Variants in BBS9 observed in about 807,000 individuals in gnomAD.
The protein encoded by BBS9 is Bardet-Biedl syndrome 9.
BBS9 carries 89 observed loss-of-function variants against 117.7 expected under a neutral mutation model. The ratio of observed to expected loss-of-function variants is 0.76; its 90% CI spans 0.64 to 0.90. BBS9 has a LOEUF of 0.90. Ranked by LOEUF, BBS9 falls within the 40% of genes least tolerant of loss-of-function variation. BBS9 has a pLI of 0.00. For missense variants in BBS9, 982 were observed against 1,042.2 expected (o/e 0.94, Z 0.80); for synonymous variants, 379 against 370.9 (o/e 1.02, Z -0.25).
At chr7:33,265,926 A>G (rs1798742259) in intron 7 of BBS9, among the ~76,000 whole-genome samples, 1 of 152,046 alleles carries the variant, frequency 6.6e-6, no homozygotes, top group African/African-American at 2.4e-5. Context: ...TAAAGCACAT[A>G]GCAAAATGTC....
At chr7:33,129,445 A>C, upstream of BBS9, 1 of 237,490 alleles carries the variant, frequency 4.2e-6, no homozygotes, top group Non-Finnish European at 8.1e-6. Context: ...TCTAATTCCA[A>C]CCGCGGCCCT....
intron 5 of BBS9, among the ~76,000 whole-genome samples, chr7:33,240,599 C>T (rs534052067): frequency 1.3e-5 from 2 of 152,042 alleles, no homozygotes; most frequent in African/African-American, 4.8e-5. Context: ...CTTTTCACTT[C>T]CCCCTTGAAC....
At chr7:33,253,363 C>T (rs1796523877) in intron 5 of BBS9, among the ~76,000 whole-genome samples, 1 of 152,082 alleles carries the variant, frequency 6.6e-6, no homozygotes, top group African/African-American at 2.4e-5. Flanking sequence ...CCTGTAATTC[C>T]AGGACTTTGG....
At chr7:33,233,662 G>A (rs1792914387) in intron 5 of BBS9, among the ~76,000 whole-genome samples, 1 of 152,088 alleles carries the variant, frequency 6.6e-6, no homozygotes, top group South Asian at 2.1e-4. Context: ...GATGAAGAGT[G>A]TATTTGATTT....
chr7:33,489,160 C>G (rs1843548360), intron 19 of BBS9, among the ~76,000 whole-genome samples: 1 of 151,232 alleles, frequency 6.6e-6, no homozygotes, highest in East Asian at 2.0e-4. Context: ...GCCTGGCTAA[C>G]TTTTTGTATT....
intron 1 of BBS9, among the ~76,000 whole-genome samples, chr7:33,132,807 G>A (rs1789832365): frequency 6.6e-6 from 1 of 152,008 alleles, no homozygotes; most frequent in Admixed American, 6.6e-5. Context: ...CATTTTATTT[G>A]TGTCTCAATT....
intron 21 of BBS9, among the ~76,000 whole-genome samples, chr7:33,615,691 G>A (rs1035674089): frequency 3.9e-5 from 6 of 152,022 alleles, no homozygotes; most frequent in African/African-American, 1.4e-4. Context: ...ATTAATGTCA[G>A]GCACCAAATC....
At chr7:33,197,198 A>G (rs188550762) in intron 5 of BBS9, among the ~76,000 whole-genome samples, 1 of 152,256 alleles carries the variant, frequency 6.6e-6, no homozygotes. Flanking sequence ...CTTTGACAAG[A>G]TGGTTAAATG....
At chr7:33,402,284 A>G (rs1829044733) in intron 19 of BBS9, among the ~76,000 whole-genome samples, 1 of 152,088 alleles carries the variant, frequency 6.6e-6, no homozygotes, top group African/African-American at 2.4e-5. Context: ...ATTTCTTCTA[A>G]TCTCATCTCC....
chr7:33,220,373 C>G lies in BBS9; in HGVS notation c.443-36863C>G, dbSNP rs949414640. ...CTGCTGATTCTTTTTGACTTTGACC[C>G]CTTGTTGCTAAATGTGAGAAGCTCT... On this transcript the variant is annotated intron_variant, in intron 5 of 22. Coordinates refer to ENST00000242067, the MANE Select transcript of BBS9 (RefSeq NM_198428.3). Among the ~76,000 whole-genome samples the G allele has an allele frequency of 3.3e-5, 5 of 152,064 alleles. No homozygotes were observed. In the East Asian group the frequency reaches 7.7e-4, roughly 23 times the overall value.
intron 19 of BBS9, among the ~76,000 whole-genome samples, chr7:33,397,715 A>G (rs1828225167): frequency 6.6e-6 from 1 of 152,166 alleles, no homozygotes; most frequent in African/African-American, 2.4e-5. Flanking sequence ...ACTAATGCAG[A>G]AACAGAAAAC....
intron 19 of BBS9, among the ~76,000 whole-genome samples, chr7:33,482,740 T>G (rs1842658672): frequency 6.6e-6 from 1 of 152,212 alleles, no homozygotes; most frequent in Non-Finnish European, 1.5e-5. Context: ...TTCTATAGAC[T>G]GGCAGAAATG....
At chr7:33,536,246 C>T (rs1358028282) in intron 21 of BBS9, among the ~76,000 whole-genome samples, 1 of 151,998 alleles carries the variant, frequency 6.6e-6, no homozygotes, top group Non-Finnish European at 1.5e-5. Flanking sequence ...GTCGCAATGC[C>T]TTGCCTTTAC....
At chr7:33,538,131 A>G (rs984914376) in intron 21 of BBS9, among the ~76,000 whole-genome samples, 4 of 152,206 alleles carry the variant, frequency 2.6e-5, no homozygotes, top group Non-Finnish European at 5.9e-5. Flanking sequence ...AATGTGATCA[A>G]ATGACTTCAC....
chr7:33,344,072 G>T (rs2128645230), intron 11 of BBS9, among the ~76,000 whole-genome samples: 1 of 148,414 alleles, frequency 6.7e-6, no homozygotes, highest in African/African-American at 2.5e-5. Context: ...CCTTTTTAGG[G>T]GATGAGTTTT....
In BBS9 at chr7:33,344,615, T is replaced by A. The variant is rs755659693; in HGVS notation, c.1310T>A (p.Val437Asp). Reference sequence around the variant, plus strand: ...GATGTTGAGGTGGGAACTGACCTTGTCCCTTCTGTCACGGTGAAGGTATTG... The same window carrying A: ...GATGTTGAGGTGGGAACTGACCTTGACCCTTCTGTCACGGTGAAGGTATTG... ...ATDVEVGTDL[V>D]PSVTVKVTLQ... Residue 437 changes from valine to aspartate, a missense_variant, in exon 12 of 23, where the codon GTC becomes GAC. Transcript: ENST00000242067. The A allele has an allele frequency of 1.2e-6, 2 of 1,614,098 alleles. No individual in the cohort carries two copies. Among genetic ancestry groups the A allele is most frequent in the Admixed American group, 3.3e-5 (2 of 60,036 alleles).
At chr7:33,418,744 C>T (rs1832408735) in intron 19 of BBS9, among the ~76,000 whole-genome samples, 1 of 152,122 alleles carries the variant, frequency 6.6e-6, no homozygotes, top group Non-Finnish European at 1.5e-5. Context: ...AAGCCTTTCC[C>T]AGTCTAGCGT....
intron 3 of BBS9, 60 bp from the exon 4 acceptor site, chr7:33,155,578 C>G: frequency 8.7e-7 from 1 of 1,147,350 alleles, no homozygotes; most frequent in Non-Finnish European, 1.3e-6. Context: ...TATTTTACAA[C>G]TTTTTGGTTA....
chr7:33,280,638 C>T lies in BBS9; in HGVS notation c.1016+6682C>T, dbSNP rs115585639. Among the ~76,000 whole-genome samples the T allele has an allele frequency of 8.7e-3, 1,319 of 152,264 alleles. 17 individuals carry two copies. Among genetic ancestry groups the T allele is most frequent in the South Asian group, 0.043 (208 of 4,818 alleles). On this transcript the variant is annotated intron_variant, in intron 9 of 22. Transcript: ENST00000242067. ...TACATTCCATTTTACTTTTGCATAT[C>T]ACACTGAATAATCAGTGAGAAAGAT...
Sources: allele counts gnomAD v4.1 joint callset (sites outside exome capture counted in the v4.1 genomes callset), GRCh38; gene constraint gnomAD v4.1.1; transcripts MANE v1.5; gene names NCBI Gene and HGNC (gene_info 2026-07-23, HGNC 2026-07-21).